Variants in NCAPD3 observed in about 807,000 individuals in gnomAD.
NCAPD3 encodes condensin-2 complex subunit D3.
NCAPD3 carries 105 observed loss-of-function variants against 182.9 expected under a neutral mutation model. That is an observed-to-expected ratio of 0.57 (90% CI 0.49 to 0.68). The LOEUF (loss-of-function observed/expected upper bound fraction) is 0.68. Among genes scored for constraint, NCAPD3 ranks in the 30% least tolerant of loss-of-function variants. The pLI is 0.00. For missense variants in NCAPD3, 1,944 were observed against 1,837.0 expected (o/e 1.06, Z -1.07); for synonymous variants, 815 against 679.9 (o/e 1.20, Z -3.09).
chr11:134,161,979 C>T (rs1943595325), intron 27 of NCAPD3, 88 bp from the exon 28 acceptor site: 2 of 644,342 alleles, frequency 3.1e-6, no homozygotes, highest in Non-Finnish European at 5.3e-6. Context: ...GTAGAGCCAC[C>T]CTACCACACT....
intron 8 of NCAPD3, 109 bp from the exon 9 acceptor site, chr11:134,205,080 C>A (rs535897148): frequency 2.8e-5 from 22 of 782,204 alleles, no homozygotes; most frequent in Non-Finnish European, 4.3e-5. Flanking sequence ...CTCTACCTCA[C>A]GCTATAAGAG....
rs547405868 is a variant in NCAPD3, at chr11:134,161,905, C to G, written c.3574-14G>C. On this transcript the variant is annotated splice_polypyrimidine_tract_variant and intron_variant, in intron 27 of 34. Coordinates refer to ENST00000534548, the MANE Select transcript of NCAPD3 (RefSeq NM_015261.3). ...CCTCTTCTGAACCTGGTAACACAAA[C>G]AAAGACATGTTTTAGATGTATGAAC... 29 of 1,379,794 alleles carry G rather than the reference C, an allele frequency of 2.1e-5. No homozygotes were observed. The highest frequency in any genetic ancestry group is 4.5e-5 in the African/African-American group (3 of 67,224). 85.5% of individuals were successfully genotyped at this position (1,379,794 alleles called of 1,614,324 possible).
intron 32 of NCAPD3, among the ~76,000 whole-genome samples, chr11:134,156,497 C>A (rs140674439): frequency 1.0e-3 from 158 of 152,314 alleles, no homozygotes; most frequent in African/African-American, 3.4e-3. Context: ...ACTCTCCTAA[C>A]TCACCTCTGT....
At chr11:134,160,103 T>C (rs1406780652) in intron 28 of NCAPD3, 29 bp from the exon 29 acceptor site, 5 of 1,607,108 alleles carry the variant, frequency 3.1e-6, no homozygotes, top group Middle Eastern at 1.7e-4. Context: ...CATCCTTTCA[T>C]GTTTTCTTGA....
intron 3 of NCAPD3, among the ~76,000 whole-genome samples, chr11:134,213,910 C>T (rs906792748): frequency 1.3e-4 from 20 of 152,110 alleles, no homozygotes; most frequent in African/African-American, 4.8e-4. Context: ...ATCCGTCAGA[C>T]TTTCACAATA....
intron 19 of NCAPD3, among the ~76,000 whole-genome samples, chr11:134,182,047 T>C (rs973417914): frequency 1.3e-5 from 2 of 152,202 alleles, no homozygotes; most frequent in African/African-American, 2.4e-5. Flanking sequence ...AAAAGAACTA[T>C]TACATTTAAA....
intron 16 of NCAPD3, 80 bp from the exon 17 acceptor site, chr11:134,185,606 G>A (rs1944388189): frequency 1.7e-6 from 2 of 1,196,150 alleles, no homozygotes; most frequent in African/African-American, 1.6e-5. Context: ...CACTGAAAGG[G>A]TATCAACTTC....
chr11:134,223,616 G>A (rs1021694594), intron 1 of NCAPD3: 1 of 660,228 alleles, frequency 1.5e-6, no homozygotes, highest in Non-Finnish European at 2.8e-6. Context: ...GAAAACAGAT[G>A]CACAGGCGCT....
chr11:134,195,033 A>AAC lies in NCAPD3; in HGVS notation c.1616-297_1616-296dup, dbSNP rs560025523. Among the ~76,000 whole-genome samples the AAC allele has an allele frequency of 4.5e-4, 69 of 152,344 alleles. No homozygotes were observed. In the East Asian group the frequency reaches 9.4e-3, roughly 21 times the overall value. ...TGTTTAGCTACAAATAGGAGTATCTAACCCATAGGATTATTTTAAAGATTT... is the reference window on the plus strand; with the variant it reads ...TGTTTAGCTACAAATAGGAGTATCTAACACCCATAGGATTATTTTAAAGATTT... On this transcript the variant is annotated intron_variant, in intron 13 of 34. Transcript: ENST00000534548.
chr11:134,194,752 A>G lies in NCAPD3; in HGVS notation c.1616-14T>C. ...TGACACATCTTTCTGTAGAGGGAATACCAAAGGGTCATCACAGCTGGAGAA... is the reference window on the plus strand; with the variant it reads ...TGACACATCTTTCTGTAGAGGGAATGCCAAAGGGTCATCACAGCTGGAGAA... On this transcript the variant is annotated splice_polypyrimidine_tract_variant and intron_variant, in intron 13 of 34. Coordinates refer to ENST00000534548, the MANE Select transcript of NCAPD3 (RefSeq NM_015261.3). 1 of 1,577,916 alleles carries G rather than the reference A, an allele frequency of 6.3e-7. No homozygotes were observed. Among genetic ancestry groups the G allele is most frequent in the South Asian group, 1.2e-5 (1 of 86,670 alleles).
intron 23 of NCAPD3, 132 bp from the exon 24 acceptor site, chr11:134,176,518 A>G: frequency 1.4e-6 from 1 of 708,300 alleles, no homozygotes; most frequent in South Asian, 1.7e-5. Flanking sequence ...ACACTTCCAA[A>G]CCGTCGGAAT....
At chr11:134,201,057 G>A (rs554416513) in intron 13 of NCAPD3, among the ~76,000 whole-genome samples, 6 of 142,704 alleles carry the variant, frequency 4.2e-5, no homozygotes, top group South Asian at 2.2e-4. Context: ...ACAGAGTCTC[G>A]CTCTGTCAAC....
intron 29 of NCAPD3, among the ~76,000 whole-genome samples, chr11:134,158,757 C>T (rs964097116): frequency 4.6e-5 from 7 of 152,170 alleles, no homozygotes; most frequent in African/African-American, 1.7e-4. Context: ...GTACTGAATA[C>T]TAGAACTTAT....
chr11:134,162,033 G>C, intron 27 of NCAPD3, 142 bp from the exon 28 acceptor site: 1 of 557,320 alleles, frequency 1.8e-6, no homozygotes, highest in Non-Finnish European at 3.1e-6. Flanking sequence ...TGGATGTAGA[G>C]GACCTCTGCT....
chr11:134,208,971 T>C lies in NCAPD3; in HGVS notation c.795-20A>G. 1 of 1,533,356 alleles carries C rather than the reference T, an allele frequency of 6.5e-7. No homozygotes were observed. The highest frequency in any genetic ancestry group is 9.0e-7 in the Non-Finnish European group (1 of 1,116,846). The allele number at this position is 1,533,356 out of a possible 1,614,324, so 95.0% of individuals were successfully genotyped here. On this transcript the variant is annotated intron_variant, in intron 6 of 34. Coordinates refer to ENST00000534548, the MANE Select transcript of NCAPD3 (RefSeq NM_015261.3). ...AGAGCTCTAAAAAAAAAAGACGAAA[T>C]ATTAGTTAATGGATATGATTTTACT...
chr11:134,201,945 C>A (rs901062499), intron 13 of NCAPD3, among the ~76,000 whole-genome samples: 1 of 152,176 alleles, frequency 6.6e-6, no homozygotes, highest in Non-Finnish European at 1.5e-5. Context: ...GTAATGTAAT[C>A]ATCCTCAGGG....
At position 134,163,264 on chromosome 11, in the gene NCAPD3, G is replaced by A. The variant is rs980946360; in HGVS notation, c.3574-1373C>T. Among the ~76,000 whole-genome samples the A allele has an allele frequency of 3.3e-5, 5 of 152,104 alleles. No homozygotes were observed. The South Asian group carries it at 8.3e-4, about 25-fold the overall frequency. On this transcript the variant is annotated intron_variant, in intron 27 of 34. Transcript: ENST00000534548. ...ACCCATTTTAAACAAACACTTCCATGAGCTTTGACAAAAGTCTATATGGAA... is the reference window on the plus strand; with the variant it reads ...ACCCATTTTAAACAAACACTTCCATAAGCTTTGACAAAAGTCTATATGGAA...
Position 134,184,822 on chromosome 11 carries a change from C to T in NCAPD3, c.2336-70G>A, listed in dbSNP as rs569458838. The T allele has an allele frequency of 0.015, 15,746 of 1,023,504 alleles. 177 individuals are homozygous for T. The highest frequency in any genetic ancestry group is 0.052 in the African/African-American group (3,067 of 58,754). 63.4% of individuals were successfully genotyped at this position (1,023,504 alleles called of 1,614,324 possible). A position where few individuals can be genotyped will look rare whatever the true frequency, so the allele number is the denominator to read the frequency against. ...ATTCAGGTATATATACACACACACACACACACACACACACACACACACACA... is the reference window on the plus strand; with the variant it reads ...ATTCAGGTATATATACACACACACATACACACACACACACACACACACACA... On this transcript the variant is annotated intron_variant, in intron 18 of 34. Coordinates refer to ENST00000534548, the MANE Select transcript of NCAPD3 (RefSeq NM_015261.3).
chr11:134,207,385 A>G (rs1937639951), intron 7 of NCAPD3, among the ~76,000 whole-genome samples: 1 of 152,174 alleles, frequency 6.6e-6, no homozygotes, highest in Non-Finnish European at 1.5e-5. Flanking sequence ...GAGCTGTCCA[A>G]GATCAAATAA....
Sources: gnomAD v4.1 joint callset for allele counts (sites outside exome capture counted in the v4.1 genomes callset) on GRCh38, gnomAD v4.1.1 for gene constraint, MANE v1.5 for transcripts, NCBI Gene and HGNC (gene_info 2026-07-23, HGNC 2026-07-21) for gene names.